DCAF6: variants seen among roughly 807,000 people sequenced by gnomAD.
DCAF6 encodes the protein DDB1- and CUL4-associated factor 6.
Under a neutral mutation model 125.1 loss-of-function variants are expected in DCAF6, and 54 were observed. The ratio of observed to expected loss-of-function variants is 0.43; its 90% CI spans 0.35 to 0.54. The LOEUF (loss-of-function observed/expected upper bound fraction) is 0.54, where lower values mean the gene tolerates loss of function less well. Among genes scored for constraint, DCAF6 ranks in the 20% least tolerant of loss-of-function variants. DCAF6 has a pLI of 0.01. For synonymous variants in DCAF6, 371 were observed against 390.4 expected, an observed-to-expected ratio of 0.95 and a Z score of 0.58; for missense variants, 934 against 1,161.7, an observed-to-expected ratio of 0.80 and a Z score of 2.85.
the DCAF6 span, among the ~76,000 whole-genome samples, chr1:167,885,726 T>C: frequency 3.3e-5 from 5 of 152,096 alleles, no homozygotes; most frequent in African/African-American, 1.2e-4. Flanking sequence ...AGTGATTCTG[T>C]TGCCTCAGCC....
chr1:167,884,132 T>C, the DCAF6 span, among the ~76,000 whole-genome samples: 3 of 152,224 alleles, frequency 2.0e-5, no homozygotes, highest in Non-Finnish European at 2.9e-5. Flanking sequence ...TTAGTTATTT[T>C]TAAAATGTAT....
At chr1:167,930,388 G>C in the DCAF6 span, among the ~76,000 whole-genome samples, 1 of 152,070 alleles carries the variant, frequency 6.6e-6, no homozygotes, top group Non-Finnish European at 1.5e-5. Flanking sequence ...ATCTACTGTA[G>C]GCACTCATAA....
chr1:167,969,380 A>G (rs1463341755), intron 3 of DCAF6: 1 of 152,166 alleles, frequency 6.6e-6, no homozygotes, highest in Non-Finnish European at 1.5e-5. Context: ...ATGATATACA[A>G]TTCGATAAGC....
the DCAF6 span, among the ~76,000 whole-genome samples, chr1:167,923,067 T>C: frequency 6.6e-6 from 1 of 152,152 alleles, no homozygotes; most frequent in Non-Finnish European, 1.5e-5. Flanking sequence ...GTAACAAGTG[T>C]TGGTGAGGAT....
intron 2 of DCAF6, among the ~76,000 whole-genome samples, 177 bp from the exon 3 acceptor site, chr1:167,966,452 A>G (rs991435371): frequency 1.3e-5 from 2 of 152,116 alleles, no homozygotes; most frequent in African/African-American, 4.8e-5. Flanking sequence ...GCCGGAGACA[A>G]TTCTTCTTCT....
chr1:168,072,294 T>TAAAAAAAAAAAAAAAAAAAAAA (rs59674650), intron 21 of DCAF6, among the ~76,000 whole-genome samples: 3 of 41,016 alleles, frequency 7.3e-5, no homozygotes, highest in African/African-American at 2.5e-4. Flanking sequence ...AGAATCAGTC[T>TAAAAAAAAAAAAAAAAAAAAAA]AAAAAAAAAA....
chr1:167,982,777 A>T (rs1679389183), intron 4 of DCAF6, among the ~76,000 whole-genome samples: 1 of 152,002 alleles, frequency 6.6e-6, no homozygotes. Flanking sequence ...TTCTTTTAGG[A>T]TTCTTATAGT....
At chr1:168,057,035 A>C (rs1479999687) in intron 17 of DCAF6, among the ~76,000 whole-genome samples, 1 of 152,190 alleles carries the variant, frequency 6.6e-6, no homozygotes, top group Non-Finnish European at 1.5e-5. Flanking sequence ...TTGTTTGGTA[A>C]CTGAATTACT....
intron 1 of DCAF6, among the ~76,000 whole-genome samples, chr1:167,944,451 CT>C (rs1229832011): frequency 2.0e-5 from 3 of 152,024 alleles, no homozygotes; most frequent in Non-Finnish European, 2.9e-5. Flanking sequence ...TAAGAGTTCC[CT>C]TTTTTTCACA....
chr1:167,989,166 A>G (rs28527241), intron 5 of DCAF6, among the ~76,000 whole-genome samples: 4,552 of 152,296 alleles, frequency 0.03, 233 homozygotes, highest in African/African-American at 0.1. Context: ...ACAGATATGC[A>G]AATAGGGAAG....
chr1:167,880,298 G>T, the DCAF6 span: 2 of 1,124,290 alleles, frequency 1.8e-6, no homozygotes. Context: ...GGTGGGAAAG[G>T]ATTTTCTCTA....
intron 4 of DCAF6, among the ~76,000 whole-genome samples, chr1:167,985,184 C>CGTGGGTGTGTGTGT (rs1679778881): frequency 1.4e-5 from 2 of 146,944 alleles, no homozygotes; most frequent in African/African-American, 5.0e-5. Flanking sequence ...CAAACCACGT[C>CGTGGGTGTGTGTGT]GTGTGTGTGT....
chr1:167,914,242 T>C, the DCAF6 span: 1 of 152,282 alleles, frequency 6.6e-6, no homozygotes, highest in Non-Finnish European at 1.5e-5. Context: ...CCAACCTGAG[T>C]GGCCTACTAC....
the DCAF6 span, chr1:167,920,579 C>T: frequency 6.2e-7 from 1 of 1,613,952 alleles, no homozygotes; most frequent in South Asian, 1.1e-5. Flanking sequence ...TTGAGCTGTG[C>T]TAAGTTTTTC....
intron 4 of DCAF6, among the ~76,000 whole-genome samples, chr1:167,976,934 G>A (rs1476031493): frequency 2.1e-5 from 2 of 93,398 alleles, no homozygotes; most frequent in Non-Finnish European, 3.9e-5. Flanking sequence ...ACGGAGTTTC[G>A]CTCTTGTTGC....
At chr1:167,979,184 G>A (rs1489268158) in intron 4 of DCAF6, among the ~76,000 whole-genome samples, 1 of 151,164 alleles carries the variant, frequency 6.6e-6, no homozygotes, top group Non-Finnish European at 1.5e-5. Context: ...GAAGTTTTTT[G>A]TGTTAACATA....
chr1:167,947,300 A>G (rs1373885801), intron 1 of DCAF6, among the ~76,000 whole-genome samples: 1 of 143,014 alleles, frequency 7.0e-6, no homozygotes, highest in African/African-American at 2.6e-5. Flanking sequence ...AATTTTTTTT[A>G]TCTCTTTGAG....
intron 10 of DCAF6, among the ~76,000 whole-genome samples, chr1:168,007,649 C>T (rs1683518196): frequency 6.6e-6 from 1 of 152,140 alleles, no homozygotes; most frequent in Non-Finnish European, 1.5e-5. Flanking sequence ...TTCTTGGTAT[C>T]TATGATATCA....
At chr1:167,905,042 T>A in the DCAF6 span, 1 of 1,614,018 alleles carries the variant, frequency 6.2e-7, no homozygotes, top group Non-Finnish European at 8.5e-7. Context: ...CCATAAAGGG[T>A]CGCTCTGGGG....
Sources: allele counts gnomAD v4.1 joint callset (sites outside exome capture counted in the v4.1 genomes callset), GRCh38; gene constraint gnomAD v4.1.1; transcripts MANE v1.5; gene names NCBI Gene and HGNC (gene_info 2026-07-23, HGNC 2026-07-21).